The following PIAS1 variants were observed in gnomAD, a reference collection of about 807,000 sequenced individuals.
PIAS1 encodes protein inhibitor of activated STAT 1.
PIAS1 carries 6 observed loss-of-function variants against 71.3 expected under a neutral mutation model. The observed-to-expected ratio is 0.08, with a 90% confidence interval of 0.05 to 0.17. The LOEUF (loss-of-function observed/expected upper bound fraction) is 0.17, where lower values mean the gene tolerates loss of function less well. PIAS1 is among the 10% of genes least tolerant of loss of function. PIAS1 has a pLI of 1.00. For synonymous variants in PIAS1, 303 were observed against 292.9 expected, an observed-to-expected ratio of 1.03 and a Z score of -0.35; for missense variants, 555 against 793.6, an observed-to-expected ratio of 0.70 and a Z score of 3.61.
intron 8 of PIAS1, among the ~76,000 whole-genome samples, chr15:68,166,909 T>G (rs2092960749): frequency 1.3e-5 from 2 of 152,324 alleles, no homozygotes; most frequent in South Asian, 4.1e-4. Flanking sequence ...CACTGCAGCC[T>G]CCACCTCCCA....
chr15:68,150,871 A>AG (rs1396529579), intron 6 of PIAS1, among the ~76,000 whole-genome samples: 4 of 152,132 alleles, frequency 2.6e-5, no homozygotes, highest in Non-Finnish European at 5.9e-5. Context: ...AAAATCTGGA[A>AG]GAAAAAAAAA....
chr15:68,119,413 C>A (rs1228190349), intron 2 of PIAS1, among the ~76,000 whole-genome samples: 1 of 151,590 alleles, frequency 6.6e-6, no homozygotes, highest in Non-Finnish European at 1.5e-5. Flanking sequence ...CCACTGCACT[C>A]CAGCCTGGGC....
intron 1 of PIAS1, among the ~76,000 whole-genome samples, chr15:68,083,325 C>T (rs542748546): frequency 2.0e-5 from 3 of 152,190 alleles, no homozygotes; most frequent in South Asian, 4.2e-4. Flanking sequence ...GTGTTTCCCG[C>T]CCCCTTCTTT....
Position 68,055,892 on chromosome 15 carries a change from A to C in PIAS1, c.24+1542A>C, listed in dbSNP as rs772303568. 5 of 701,106 alleles carry C rather than the reference A, an allele frequency of 7.1e-6. No individual in the cohort carries two copies. In the South Asian group the frequency reaches 7.4e-5, roughly 10 times the overall value. The allele number at this position is 701,106 out of a possible 1,614,324, so 43.4% of individuals were successfully genotyped here. ...CTCCTAATAACTTCACAATGTTTAC[A>C]CTCCAAGATTCGTATGTTAAGGTAT... On this transcript the variant is annotated intron_variant, in intron 1 of 13. Transcript: ENST00000249636.
chr15:68,085,411 C>G (rs558711843), intron 1 of PIAS1, among the ~76,000 whole-genome samples: 1 of 152,186 alleles, frequency 6.6e-6, no homozygotes, highest in Non-Finnish European at 1.5e-5. Context: ...AATAAGTTTG[C>G]GAACATAGGT....
At chr15:68,180,498 T>C (rs541351879) in intron 11 of PIAS1, among the ~76,000 whole-genome samples, 2 of 152,350 alleles carry the variant, frequency 1.3e-5, no homozygotes, top group East Asian at 3.9e-4. Context: ...ATTTAAACTT[T>C]TCACTGTTTT....
chr15:68,129,060 T>C (rs2092671473), intron 2 of PIAS1, among the ~76,000 whole-genome samples: 1 of 152,138 alleles, frequency 6.6e-6, no homozygotes. Context: ...TATTAGAGGA[T>C]ACAGTGTATT....
chr15:68,145,720 T>C, intron 4 of PIAS1, 96 bp from the exon 5 acceptor site: 1 of 736,664 alleles, frequency 1.4e-6, no homozygotes, highest in Non-Finnish European at 2.3e-6. Context: ...TTTGGTTGTT[T>C]TTAAATTTAC....
At chr15:68,179,564 CTTTTTTTT>C (rs766344324) in intron 11 of PIAS1, among the ~76,000 whole-genome samples, 571 of 40,098 alleles carry the variant, frequency 0.014, 8 homozygotes, top group East Asian at 0.063. Flanking sequence ...GTGAAATGTT[CTTTTTTTT>C]TTTTTTTTTT....
intron 1 of PIAS1, among the ~76,000 whole-genome samples, chr15:68,074,636 T>A (rs1260888206): frequency 6.6e-6 from 1 of 152,224 alleles, no homozygotes; most frequent in African/African-American, 2.4e-5. Flanking sequence ...CACTTTCTAA[T>A]GTCCACAAAA....
intron 2 of PIAS1, among the ~76,000 whole-genome samples, chr15:68,089,763 C>T (rs1280483781): frequency 6.6e-6 from 1 of 152,094 alleles, no homozygotes; most frequent in Non-Finnish European, 1.5e-5. Context: ...ACCATGTTGG[C>T]CAGGGTGGTC....
intron 2 of PIAS1, among the ~76,000 whole-genome samples, chr15:68,118,789 T>C (rs1221583822): frequency 2.0e-5 from 3 of 152,176 alleles, no homozygotes; most frequent in African/African-American, 7.2e-5. Context: ...TTTTAAGAAA[T>C]ATCTAAATTC....
intron 8 of PIAS1, among the ~76,000 whole-genome samples, chr15:68,165,178 A>G (rs34122781): frequency 0.032 from 4,911 of 152,058 alleles, 197 homozygotes; most frequent in African/African-American, 0.098. Flanking sequence ...CTGGAGTGCA[A>G]TGGTGCCATC....
intron 4 of PIAS1, among the ~76,000 whole-genome samples, 179 bp downstream of exon 4, chr15:68,142,516 G>C (rs896989425): frequency 6.6e-6 from 1 of 152,172 alleles, no homozygotes. Flanking sequence ...AAATCTACCT[G>C]ATTTTTCAAT....
intron 6 of PIAS1, among the ~76,000 whole-genome samples, chr15:68,152,574 A>G (rs1366546634): frequency 6.6e-6 from 1 of 152,178 alleles, no homozygotes. Flanking sequence ...TCAGCCCTTC[A>G]CTTAGAAAAA....
chr15:68,150,731 T>G (rs2092838250), intron 6 of PIAS1, among the ~76,000 whole-genome samples: 1 of 152,212 alleles, frequency 6.6e-6, no homozygotes, highest in Admixed American at 6.5e-5. Flanking sequence ...ATTCCTAATC[T>G]GAAAATCTGA....
chr15:68,159,223 T>C (rs994968276), intron 7 of PIAS1, among the ~76,000 whole-genome samples: 33 of 152,316 alleles, frequency 2.2e-4, no homozygotes, highest in Non-Finnish European at 3.4e-4. Context: ...TTATATGTCT[T>C]ATTTTTATTT....
At chr15:68,058,253 T>C (rs1037530704) in intron 1 of PIAS1, among the ~76,000 whole-genome samples, 1 of 152,238 alleles carries the variant, frequency 6.6e-6, no homozygotes, top group Non-Finnish European at 1.5e-5. Context: ...TTTTCTGAAG[T>C]GTTTGACTCT....
rs554954369 is a variant in PIAS1, at chr15:68,063,649, T to A, written c.24+9299T>A. Among the ~76,000 whole-genome samples, 5 of 152,314 alleles carry A rather than the reference T, an allele frequency of 3.3e-5. No individual in the cohort carries two copies. In the South Asian group the frequency reaches 1.0e-3, roughly 32 times the overall value. The stretch of plus-strand genomic sequence containing the variant: ...GTTATAGCGGAATGTTTACTAAAAA[T>A]TATCTTTTTAAAAATTATACAAGTA... On this transcript the variant is annotated intron_variant, in intron 1 of 13. Coordinates refer to ENST00000249636, the MANE Select transcript of PIAS1 (RefSeq NM_016166.3).
Sources: allele counts gnomAD v4.1 joint callset (sites outside exome capture counted in the v4.1 genomes callset), GRCh38; gene constraint gnomAD v4.1.1; transcripts MANE v1.5; gene names NCBI Gene and HGNC (gene_info 2026-07-23, HGNC 2026-07-21).